The following SMG6 variants were observed in gnomAD, a reference collection of about 807,000 sequenced individuals.
SMG6 encodes telomerase-binding protein EST1A.
In SMG6, 66 loss-of-function variants were observed where a neutral mutation model predicts 142.2. That is an observed-to-expected ratio of 0.46 (90% confidence interval 0.38 to 0.57). The LOEUF (loss-of-function observed/expected upper bound fraction) is 0.57, where lower values mean the gene tolerates loss of function less well. SMG6 is among the 20% of genes least tolerant of loss of function. SMG6 has a pLI of 0.00. For synonymous variants in SMG6, 779 were observed against 702.4 expected (o/e 1.11, Z -1.72); for missense variants, 1,793 against 1,832.0 (o/e 0.98, Z 0.39).
At chr17:2,234,621 G>A (rs1039457695) in intron 10 of SMG6, among the ~76,000 whole-genome samples, 2 of 152,134 alleles carry the variant, frequency 1.3e-5, no homozygotes, top group Non-Finnish European at 2.9e-5. Context: ...CTCACTGGTG[G>A]CCTATTAAAA....
At chr17:2,091,551 C>T (rs892344070) in intron 13 of SMG6, among the ~76,000 whole-genome samples, 2 of 151,454 alleles carry the variant, frequency 1.3e-5, no homozygotes, top group African/African-American at 4.9e-5. Flanking sequence ...CTCCTGACAA[C>T]CTCGGAGCAT....
At chr17:2,277,083 C>T (rs2074666448) in intron 8 of SMG6, among the ~76,000 whole-genome samples, 1 of 151,804 alleles carries the variant, frequency 6.6e-6, no homozygotes, top group Non-Finnish European at 1.5e-5. Flanking sequence ...GCCCGGCCTA[C>T]TTTATGTCTT....
chr17:2,295,297 A>C lies in SMG6; in HGVS notation c.2151+1946T>G, dbSNP rs2075122037. The stretch of plus-strand genomic sequence containing the variant: ...TAATGCATCTCTAACTGCTTCCTAA[A>C]TATGCTCAACTTTCCAATCTTAAAA... On this transcript the variant is annotated intron_variant, in intron 4 of 18. Transcript: ENST00000263073. Among the ~76,000 whole-genome samples, 3 of 152,174 alleles carry C rather than the reference A, an allele frequency of 2.0e-5. 1 individual carries two copies. In the South Asian group the frequency reaches 6.2e-4, roughly 32 times the overall value.
intron 13 of SMG6, among the ~76,000 whole-genome samples, chr17:2,097,941 G>C (rs1015120374): frequency 6.6e-6 from 1 of 152,078 alleles, no homozygotes; most frequent in African/African-American, 2.4e-5. Context: ...CAGCATTACT[G>C]TTGTTGTCCC....
chr17:2,093,521 T>C (rs531786027), intron 13 of SMG6, among the ~76,000 whole-genome samples: 267 of 152,240 alleles, frequency 1.8e-3, no homozygotes, highest in Non-Finnish European at 2.9e-3. Flanking sequence ...CATTTTTTTT[T>C]CCTCTTATCT....
At chr17:2,191,211 A>G (rs1371490619) in intron 10 of SMG6, among the ~76,000 whole-genome samples, 1 of 152,260 alleles carries the variant, frequency 6.6e-6, no homozygotes, top group African/African-American at 2.4e-5. Flanking sequence ...CACTAAGTGC[A>G]CAGCATCTTC....
intron 13 of SMG6, among the ~76,000 whole-genome samples, chr17:2,090,999 TG>T (rs552308960): frequency 1.1e-4 from 17 of 152,198 alleles, no homozygotes; most frequent in Non-Finnish European, 2.4e-4. Flanking sequence ...CAATTAGCAA[TG>T]GGTTAATTAT....
intron 13 of SMG6, among the ~76,000 whole-genome samples, chr17:2,141,883 T>G (rs1284816034): frequency 2.0e-5 from 3 of 152,230 alleles, no homozygotes; most frequent in Non-Finnish European, 2.9e-5. Flanking sequence ...AAGGAAGCTT[T>G]TAACTCCATG....
At chr17:2,199,684 C>T (rs1276286661) in intron 10 of SMG6, 2 of 151,882 alleles carry the variant, frequency 1.3e-5, no homozygotes, top group African/African-American at 2.4e-5. Context: ...GGCGGATGAT[C>T]ACTTGAGGCC....
intron 13 of SMG6, among the ~76,000 whole-genome samples, chr17:2,092,234 G>T (rs1053706641): frequency 6.6e-6 from 1 of 151,904 alleles, no homozygotes; most frequent in Non-Finnish European, 1.5e-5. Flanking sequence ...GATCCACCGC[G>T]CCCGGCCTTT....
chr17:2,132,971 G>A (rs1161484765), intron 13 of SMG6, among the ~76,000 whole-genome samples: 1 of 152,150 alleles, frequency 6.6e-6, no homozygotes, highest in African/African-American at 2.4e-5. Flanking sequence ...TTGTAGAGAC[G>A]GGGATTCACC....
intron 15 of SMG6, among the ~76,000 whole-genome samples, chr17:2,069,629 A>C (rs1424020088): frequency 1.3e-5 from 2 of 152,186 alleles, no homozygotes; most frequent in African/African-American, 4.8e-5. Flanking sequence ...AACAACGAAC[A>C]ATGAAGTTGA....
intron 13 of SMG6, among the ~76,000 whole-genome samples, chr17:2,092,677 T>C (rs2068756972): frequency 6.6e-6 from 1 of 151,694 alleles, no homozygotes; most frequent in Non-Finnish European, 1.5e-5. Flanking sequence ...AACAGGGGAG[T>C]TGTGAAGCAC....
chr17:2,166,849 G>T (rs1299956176), intron 13 of SMG6, among the ~76,000 whole-genome samples: 5 of 152,166 alleles, frequency 3.3e-5, no homozygotes, highest in Admixed American at 3.3e-4. Context: ...CTGAGGCCAG[G>T]CACAGTGGCT....
At chr17:2,288,665 C>T (rs1597792072) in intron 6 of SMG6, among the ~76,000 whole-genome samples, 1 of 150,324 alleles carries the variant, frequency 6.7e-6, no homozygotes, top group Non-Finnish European at 1.5e-5. Context: ...GCTGGTGGCT[C>T]ACACCTGTAT....
intron 9 of SMG6, among the ~76,000 whole-genome samples, chr17:2,240,439 G>T (rs538829309): frequency 2.0e-5 from 3 of 150,234 alleles, no homozygotes; most frequent in African/African-American, 7.3e-5. Flanking sequence ...AGGAGCAAAA[G>T]ACCAAAACCA....
At chr17:2,222,419 C>T (rs182855912) in intron 10 of SMG6, among the ~76,000 whole-genome samples, 6 of 151,562 alleles carry the variant, frequency 4.0e-5, no homozygotes, top group African/African-American at 1.2e-4. Context: ...ACAGCTAATG[C>T]GAAGGGCCAA....
chr17:2,302,825 G>A (rs768131219), intron 1 of SMG6, among the ~76,000 whole-genome samples: 3 of 152,074 alleles, frequency 2.0e-5, no homozygotes, highest in African/African-American at 7.2e-5. Context: ...CGGGGGGATG[G>A]GGAAAGCTAT....
intron 13 of SMG6, among the ~76,000 whole-genome samples, chr17:2,167,582 C>T (rs543317722): frequency 5.6e-4 from 85 of 152,220 alleles, no homozygotes; most frequent in Non-Finnish European, 1.1e-3. Context: ...AACTCAAGAA[C>T]TCTTCAAATT....
Sources: gnomAD v4.1 joint callset for allele counts (sites outside exome capture counted in the v4.1 genomes callset) on GRCh38, gnomAD v4.1.1 for gene constraint, MANE v1.5 for transcripts, NCBI Gene and HGNC (gene_info 2026-07-23, HGNC 2026-07-21) for gene names.